Variants in ZNF311 observed in about 807,000 individuals in gnomAD.
The protein encoded by ZNF311 is zinc finger protein zfp31.
A neutral mutation model predicts 22.7 loss-of-function variants in ZNF311; 14 were observed. The observed-to-expected ratio is 0.62, with a 90% CI of 0.41 to 0.96. The LOEUF is 0.96. Among genes scored for constraint, ZNF311 ranks in the 40% least tolerant of loss-of-function variants. The pLI is 0.00. For missense variants in ZNF311, 731 were observed against 799.0 expected (o/e 0.91, Z 1.03); for synonymous variants, 250 against 275.3 (o/e 0.91, Z 0.91).
intron 2 of ZNF311, 141 bp downstream of exon 2, chr6:29,003,805 A>T: frequency 6.3e-7 from 1 of 1,575,026 alleles, no homozygotes; most frequent in Admixed American, 1.8e-5. Context: ...CAGGTCAAGC[A>T]GCAAAAACAG....
chr6:28,996,673 T>C, intron 6 of ZNF311, 87 bp from the exon 7 acceptor site: 1 of 1,436,222 alleles, frequency 7.0e-7, no homozygotes, highest in Non-Finnish European at 9.2e-7. Context: ...GAAGAGTAAA[T>C]AACTTTTCCA....
chr6:28,995,929 G>A lies in ZNF311; in HGVS notation c.1073C>T (p.Pro358Leu). The change falls in exon 7 of 7, where the codon CCT becomes CTT. Residue 358 changes from proline to leucine, a missense_variant. Coordinates refer to ENST00000377179, the MANE Select transcript of ZNF311 (RefSeq NM_001382360.1). The surrounding 1 kb of genome is among the most constrained non-coding windows in gnomAD (Gnocchi z 4.7). ...MHQLIHTGEK[P>L]YKCNCCGKAF... Reference sequence around the variant, plus strand: ...CTTCCCACAGCAGTTACATTTGTAAGGCTTCTCCCCGGTGTGGATAAGCTG... The same window carrying A: ...CTTCCCACAGCAGTTACATTTGTAAAGCTTCTCCCCGGTGTGGATAAGCTG... The A allele has an allele frequency of 6.2e-7, 1 of 1,613,900 alleles. No homozygotes were observed.
Position 28,996,494 on chromosome 6 carries a change from T to C in ZNF311, c.508A>G (p.Ser170Gly). The change falls in exon 7 of 7, where the codon AGT becomes GGT. Residue 170 changes from serine to glycine, a missense_variant. By Grantham distance (56) the Ser-to-Gly change is moderately conservative. Coordinates refer to ENST00000377179, the MANE Select transcript of ZNF311 (RefSeq NM_001382360.1). Reference protein sequence around the residue: ...NGEAYWMKFNSLLKVDSRDPK... With the variant: ...NGEAYWMKFNGLLKVDSRDPK... Reference sequence around the variant, plus strand: ...TCCCGGGAATCAACTTTTAGGAGACTGTTAAATTTCATCCAGTAGGCTTCT... The same window carrying C: ...TCCCGGGAATCAACTTTTAGGAGACCGTTAAATTTCATCCAGTAGGCTTCT... The C allele has an allele frequency of 6.2e-7, 1 of 1,607,808 alleles. No homozygotes were observed. Among genetic ancestry groups the C allele is most frequent in the Non-Finnish European group, 8.5e-7 (1 of 1,179,994 alleles).
At position 28,995,651 on chromosome 6, in the gene ZNF311, C is replaced by G. The variant is rs1287604648; in HGVS notation, c.1351G>C (p.Asp451His). ...KHYGCPQCGKDFSIKAELTKH... is the reference protein window; with the variant it reads ...KHYGCPQCGKHFSIKAELTKH... The stretch of plus-strand genomic sequence containing the variant: ...GTGAGTTCTGCCTTGATGCTGAAGT[C>G]TTTTCCACACTGGGGACACCCATAG... The change falls in exon 7 of 7, where the codon GAC becomes CAC. Residue 451 changes from aspartate to histidine, a missense_variant. Coordinates refer to ENST00000377179, the MANE Select transcript of ZNF311 (RefSeq NM_001382360.1). The surrounding 1 kb of genome is among the most constrained non-coding windows in gnomAD (Gnocchi z 4.7). 6.2e-7 allele frequency: 1 copy of G among 1,613,428 alleles called. No homozygotes were observed. Among genetic ancestry groups the G allele is most frequent in the Non-Finnish European group, 8.5e-7 (1 of 1,180,014 alleles).
At chr6:29,005,585 C>T (rs952346475), upstream of ZNF311, among the ~76,000 whole-genome samples, 1 of 152,116 alleles carries the variant, frequency 6.6e-6, no homozygotes, top group Non-Finnish European at 1.5e-5. Context: ...CCGGTACTCT[C>T]CCCAAGAAAT....
chr6:28,995,793 G>T lies in ZNF311; in HGVS notation c.1209C>A (p.Thr403=). Residue 403 remains threonine, a synonymous_variant, in exon 7 of 7, where the codon ACC becomes ACA. Coordinates refer to ENST00000377179, the MANE Select transcript of ZNF311 (RefSeq NM_001382360.1). This position sits in a 1 kb window ranked among gnomAD's most constrained non-coding sequence, Gnocchi z 4.7. ...GKAFSGSSDL[T]KHIRIHTGER... is the part of the protein sequence containing the mutation. ...CCCCAGTGTGGATTCTTATGTGTTTGGTGAGGTCTGAACTCCCACTGAAGG... is the reference window on the plus strand; with the variant it reads ...CCCCAGTGTGGATTCTTATGTGTTTTGTGAGGTCTGAACTCCCACTGAAGG... 1 of 1,613,722 alleles carries T rather than the reference G, an allele frequency of 6.2e-7. No homozygotes were observed. Among genetic ancestry groups the T allele is most frequent in the Non-Finnish European group, 8.5e-7 (1 of 1,179,944 alleles).
chr6:28,996,740 A>C (rs1170408335), intron 6 of ZNF311, among the ~76,000 whole-genome samples, 154 bp from the exon 7 acceptor site: 1 of 152,248 alleles, frequency 6.6e-6, no homozygotes, highest in Non-Finnish European at 1.5e-5. Context: ...AAATAATGAA[A>C]AGTATTGAGA....
intron 5 of ZNF311, 75 bp downstream of exon 5, chr6:28,999,412 T>C (rs1780109301): frequency 1.4e-6 from 2 of 1,398,388 alleles, no homozygotes; most frequent in Non-Finnish European, 1.9e-6. Flanking sequence ...TGAGACCTTA[T>C]ATACATCAAT....
At position 28,996,122 on chromosome 6, in the gene ZNF311, G is replaced by A. The variant is rs751107430; in HGVS notation, c.880C>T (p.Arg294Trp). The part of the protein sequence containing the change: ...FKTRNQLSMH[R>W]IIHTGEKPFN... ...GGTTTCTCCCCTGTGTGGATTATCC[G>A]GTGCATAGAAAGCTGATTTCTGGTC... Residue 294 changes from arginine (R) to tryptophan (W), a missense_variant, in exon 7 of 7, where the codon CGG becomes TGG. Transcript: ENST00000377179. The A allele has an allele frequency of 2.5e-5, 41 of 1,613,114 alleles. No individual in the cohort carries two copies. The highest frequency in any genetic ancestry group is 3.1e-5 in the Non-Finnish European group (37 of 1,179,966).
Position 29,004,219 on chromosome 6 carries a change from A to G in ZNF311, c.-260-5T>C, listed in dbSNP as rs372082896. 9 of 1,395,736 alleles carry G rather than the reference A, an allele frequency of 6.4e-6. No homozygotes were observed. The highest frequency in any genetic ancestry group is 5.3e-5 in the East Asian group (2 of 37,474). 86.5% of individuals were successfully genotyped at this position (1,395,736 alleles called of 1,614,324 possible). On this transcript the variant is annotated splice_region_variant and splice_polypyrimidine_tract_variant and intron_variant, in intron 1 of 6. Transcript: ENST00000377179. ...GTGATCTCACATCTTGTTTCCCTGC[A>G]TATTTGGTGAAGGGAAAAGAGGAAT...
intron 3 of ZNF311, among the ~76,000 whole-genome samples, chr6:29,001,062 C>T (rs563826332): frequency 6.6e-6 from 1 of 152,312 alleles, no homozygotes; most frequent in African/African-American, 2.4e-5. Flanking sequence ...AGGCATGAGC[C>T]ACCACGCCCA....
Position 28,995,013 on chromosome 6 carries a change from C to G in ZNF311, c.1989G>C (p.Leu663Phe). 2 of 1,606,436 alleles carry G rather than the reference C, an allele frequency of 1.2e-6. No individual in the cohort carries two copies. The highest frequency in any genetic ancestry group is 1.7e-6 in the Non-Finnish European group (2 of 1,176,842). ...TVSQTSVVSI[L>F]TSA is the part of the protein sequence containing the mutation. ...AGAATCGTTATACTCAGGCACTGGTCAAAATACTGACTACTGAGGTCTGAG... is the reference window on the plus strand; with the variant it reads ...AGAATCGTTATACTCAGGCACTGGTGAAAATACTGACTACTGAGGTCTGAG... The change falls in exon 7 of 7, where the codon TTG becomes TTC. Residue 663 changes from leucine (L) to phenylalanine (F), a missense_variant. Transcript: ENST00000377179. This position sits in a 1 kb window ranked among gnomAD's most constrained non-coding sequence, Gnocchi z 4.7.
At chr6:29,000,807 C>T (rs1360113414) in intron 3 of ZNF311, among the ~76,000 whole-genome samples, 5 of 150,336 alleles carry the variant, frequency 3.3e-5, no homozygotes, top group African/African-American at 9.8e-5. Context: ...TTAAGAGTCT[C>T]GCTCTGTCTC....
At chr6:28,999,069 T>C (rs1780044857) in intron 5 of ZNF311, among the ~76,000 whole-genome samples, 1 of 150,902 alleles carries the variant, frequency 6.6e-6, no homozygotes, top group African/African-American at 2.4e-5. Context: ...AACAGTCATT[T>C]GGGTGTGCTC....
chr6:28,999,727 C>A, intron 4 of ZNF311, 114 bp from the exon 5 acceptor site: 2 of 1,433,966 alleles, frequency 1.4e-6, no homozygotes, highest in Admixed American at 2.6e-5. Context: ...AGGCTCTTCC[C>A]TTTTGGTGGG....
Position 28,994,990 on chromosome 6 carries a change from A to T in ZNF311, c.*11T>A. 1 of 1,576,556 alleles carries T rather than the reference A, an allele frequency of 6.3e-7. No homozygotes were observed. Among genetic ancestry groups the T allele is most frequent in the Non-Finnish European group, 8.6e-7 (1 of 1,162,994 alleles). On this transcript the variant is annotated 3_prime_UTR_variant, in exon 7 of 7. Coordinates refer to ENST00000377179, the MANE Select transcript of ZNF311 (RefSeq NM_001382360.1). ...TAGGAAAAACAGAAAGTAACACCAG[A>T]ATCGTTATACTCAGGCACTGGTCAA...
At chr6:28,999,453 G>A (rs758987631) in intron 5 of ZNF311, 34 bp downstream of exon 5, 14 of 1,539,516 alleles carry the variant, frequency 9.1e-6, no homozygotes, top group Admixed American at 8.4e-5. Context: ...AAAAAAAGAA[G>A]GTAGAAAGCA....
chr6:29,004,043 T>C lies in ZNF311; in HGVS notation c.-89A>G. 6.2e-7 allele frequency: 1 copy of C among 1,612,548 alleles called. No homozygotes were observed. The highest frequency in any genetic ancestry group is 1.1e-5 in the South Asian group (1 of 91,014). On this transcript the variant is annotated 5_prime_UTR_variant, in exon 2 of 7. Transcript: ENST00000377179. ...TCCAGTTCTCAAACAAGCTGTGAAG[T>C]GGCTCCAGTTGATGCCAGCCTCCTT... is the stretch of plus-strand genomic sequence containing the variant.
intron 4 of ZNF311, 134 bp downstream of exon 4, chr6:28,999,822 T>G: frequency 1.6e-6 from 2 of 1,248,654 alleles, no homozygotes; most frequent in Non-Finnish European, 2.2e-6. Flanking sequence ...TGGTTTATCA[T>G]GCAACAAAAT....
Sources: gnomAD v4.1 joint callset for allele counts (sites outside exome capture counted in the v4.1 genomes callset) on GRCh38, gnomAD v4.1.1 for gene constraint, Gnocchi (gnomAD v3.1) non-coding constraint, MANE v1.5 for transcripts, NCBI Gene and HGNC (gene_info 2026-07-23, HGNC 2026-07-21) for gene names.